The following PTPRZ1 variants were observed in gnomAD, a reference collection of about 807,000 sequenced individuals.
PTPRZ1 encodes protein tyrosine phosphatase receptor type Z1.
A neutral mutation model predicts 214.1 loss-of-function variants in PTPRZ1; 82 were observed. That is an observed-to-expected ratio of 0.38 (90% confidence interval 0.32 to 0.46). The LOEUF (loss-of-function observed/expected upper bound fraction) is 0.46. Ranked by LOEUF, PTPRZ1 falls within the 20% of genes least tolerant of loss-of-function variation. PTPRZ1 has a pLI of 1.00. For synonymous variants in PTPRZ1, 945 were observed against 987.9 expected (o/e 0.96, Z 0.81); for missense variants, 2,603 against 2,748.7 (o/e 0.95, Z 1.19).
At chr7:121,909,567 T>A (rs978152877) in intron 1 of PTPRZ1, among the ~76,000 whole-genome samples, 3 of 152,180 alleles carry the variant, frequency 2.0e-5, no homozygotes. Flanking sequence ...CTTAATTAAC[T>A]GCAAGAAAAA....
chr7:121,894,950 A>C (rs1055366451), intron 1 of PTPRZ1, among the ~76,000 whole-genome samples: 1 of 152,230 alleles, frequency 6.6e-6, no homozygotes, highest in Non-Finnish European at 1.5e-5. Flanking sequence ...GCTAAATGTC[A>C]TCATAGTTAG....
At chr7:121,891,599 T>C (rs915393579) in intron 1 of PTPRZ1, among the ~76,000 whole-genome samples, 6 of 151,812 alleles carry the variant, frequency 4.0e-5, no homozygotes, top group African/African-American at 1.5e-4. Flanking sequence ...AACTTTTTAT[T>C]AATGTTAAAT....
chr7:121,904,381 A>G (rs570221622), intron 1 of PTPRZ1, among the ~76,000 whole-genome samples: 14 of 152,300 alleles, frequency 9.2e-5, no homozygotes, highest in African/African-American at 2.9e-4. Flanking sequence ...CAGGCCTCCC[A>G]TATCAGGGAG....
At chr7:121,900,080 GGTATTGA>G (rs1229356073) in intron 1 of PTPRZ1, among the ~76,000 whole-genome samples, 2 of 152,108 alleles carry the variant, frequency 1.3e-5, no homozygotes, top group Non-Finnish European at 2.9e-5. Flanking sequence ...CACGAGAATA[GGTATTGA>G]AACCTGAGAG....
At chr7:121,930,010 G>T (rs1309730224) in intron 2 of PTPRZ1, among the ~76,000 whole-genome samples, 1 of 150,808 alleles carries the variant, frequency 6.6e-6, no homozygotes, top group Non-Finnish European at 1.5e-5. Flanking sequence ...ATCATGTTTT[G>T]TTACTTTAAT....
At position 122,044,494 on chromosome 7, in the gene PTPRZ1, C is replaced by T. The variant is rs753904600; in HGVS notation, c.6010C>T (p.His2004Tyr). ...LSKETEVLDSHIHAYVNALLI... is the reference protein window; with the variant it reads ...LSKETEVLDSYIHAYVNALLI... ...TAAAGAAACTGAGGTGCTGGACAGTCATATTCATGCCTATGTTAATGCACT... is the reference window on the plus strand; with the variant it reads ...TAAAGAAACTGAGGTGCTGGACAGTTATATTCATGCCTATGTTAATGCACT... The change falls in exon 23 of 30, where the codon CAT becomes TAT. Residue 2004 changes from histidine (H) to tyrosine (Y), a missense_variant. His to Tyr is a moderately conservative substitution (Grantham distance 83). This residue lies in a region of PTPRZ1 where 1,913 missense variants were observed against 1,914.3 expected (regional missense o/e 1.00). Coordinates refer to ENST00000393386, the MANE Select transcript of PTPRZ1 (RefSeq NM_002851.3). 2 of 1,613,858 alleles carry T rather than the reference C, an allele frequency of 1.2e-6. No homozygotes were observed. The highest frequency in any genetic ancestry group is 2.2e-5 in the South Asian group (2 of 91,062).
chr7:121,999,917 AT>A (rs1798269073), intron 10 of PTPRZ1, among the ~76,000 whole-genome samples: 1 of 152,090 alleles, frequency 6.6e-6, no homozygotes, highest in Non-Finnish European at 1.5e-5. Context: ...ATTTCTATTT[AT>A]TTAAAGGACC....
rs544163709 is a variant in PTPRZ1, at chr7:121,914,915, G to A, written c.59-13241G>A. Among the ~76,000 whole-genome samples, 44 of 152,222 alleles carry A rather than the reference G, an allele frequency of 2.9e-4. No homozygotes were observed. In the East Asian group the frequency reaches 7.5e-3, roughly 26 times the overall value. ...TGTGAAAAGTTTCCAAGGTTTTCTT[G>A]TTACGTCTACAATTACTGCTAAGTT... On this transcript the variant is annotated intron_variant, in intron 1 of 29. Coordinates refer to ENST00000393386, the MANE Select transcript of PTPRZ1 (RefSeq NM_002851.3).
chr7:121,922,811 A>G (rs923003793), intron 1 of PTPRZ1, among the ~76,000 whole-genome samples: 1 of 152,310 alleles, frequency 6.6e-6, no homozygotes, highest in Non-Finnish European at 1.5e-5. Flanking sequence ...TCAAGCCTTC[A>G]CAAACTACCT....
At chr7:121,979,118 C>G (rs918529917) in intron 6 of PTPRZ1, among the ~76,000 whole-genome samples, 5 of 151,932 alleles carry the variant, frequency 3.3e-5, no homozygotes, top group African/African-American at 1.2e-4. Flanking sequence ...TAAGATCTAT[C>G]TTACTATGCT....
chr7:121,950,231 G>A (rs1266803815), intron 2 of PTPRZ1, among the ~76,000 whole-genome samples: 1 of 152,162 alleles, frequency 6.6e-6, no homozygotes, highest in African/African-American at 2.4e-5. Context: ...AACAGCATAG[G>A]AAAGACTTGC....
chr7:121,906,280 C>A (rs764218554), intron 1 of PTPRZ1, among the ~76,000 whole-genome samples: 19 of 152,066 alleles, frequency 1.2e-4, no homozygotes, highest in Admixed American at 2.0e-4. Flanking sequence ...GCCTTATGAA[C>A]TTTTGTGTTC....
At chr7:121,977,280 G>C (rs915690037) in intron 6 of PTPRZ1, among the ~76,000 whole-genome samples, 1 of 152,098 alleles carries the variant, frequency 6.6e-6, no homozygotes, top group Non-Finnish European at 1.5e-5. Context: ...TGGTTTCCTT[G>C]ATAAATCCTT....
At chr7:121,884,251 A>T (rs1794330505) in intron 1 of PTPRZ1, among the ~76,000 whole-genome samples, 1 of 152,104 alleles carries the variant, frequency 6.6e-6, no homozygotes, top group Non-Finnish European at 1.5e-5. Context: ...GTTTATATAT[A>T]TAAATACATT....
At chr7:121,909,320 A>G (rs1206481) in intron 1 of PTPRZ1, among the ~76,000 whole-genome samples, 93,175 of 151,954 alleles carry the variant, frequency 0.61, 30,718 homozygotes, top group African/African-American at 0.86. Flanking sequence ...ACAGCAATCA[A>G]AATGACCTGA....
At position 121,947,430 on chromosome 7, in the gene PTPRZ1, G is replaced by T. The variant is rs77403844; in HGVS notation, c.124+19209G>T. 3.7e-4 allele frequency among the ~76,000 whole-genome samples: 57 copies of T among 152,042 alleles called. No homozygotes were observed. In the East Asian group the frequency reaches 0.011, roughly 28 times the overall value. On this transcript the variant is annotated intron_variant, in intron 2 of 29. Coordinates refer to ENST00000393386, the MANE Select transcript of PTPRZ1 (RefSeq NM_002851.3). ...TTTAATTGCTTAATAAGAAAGAAAGGGAAAGATAATATCATAGAGCTCACA... is the reference window on the plus strand; with the variant it reads ...TTTAATTGCTTAATAAGAAAGAAAGTGAAAGATAATATCATAGAGCTCACA...
intron 1 of PTPRZ1, among the ~76,000 whole-genome samples, chr7:121,886,699 G>A (rs1794408721): frequency 6.6e-6 from 1 of 152,052 alleles, no homozygotes; most frequent in Non-Finnish European, 1.5e-5. Context: ...CGGATTCTTA[G>A]GACTTTCCTT....
intron 1 of PTPRZ1, among the ~76,000 whole-genome samples, chr7:121,905,856 G>A (rs1039406004): frequency 6.6e-6 from 1 of 152,114 alleles, no homozygotes; most frequent in African/African-American, 2.4e-5. Context: ...TTCTTTTACA[G>A]TTTTGCTCAA....
At chr7:121,976,099 A>G (rs1348694161) in intron 4 of PTPRZ1, 74 bp from the exon 5 acceptor site, 35 of 1,002,840 alleles carry the variant, frequency 3.5e-5, no homozygotes, top group Non-Finnish European at 5.1e-5. Flanking sequence ...GGAAATACTT[A>G]GAATGTAGAA....
Sources: allele counts gnomAD v4.1 joint callset (sites outside exome capture counted in the v4.1 genomes callset), GRCh38; gene constraint gnomAD v4.1.1; regional missense constraint gnomAD v4.1.1; transcripts MANE v1.5; gene names NCBI Gene and HGNC (gene_info 2026-07-23, HGNC 2026-07-21).